Variants in BLOC1S6 observed in about 807,000 individuals in gnomAD.
BLOC1S6 encodes the protein biogenesis of lysosome-related organelles complex 1 subunit 6.
BLOC1S6 carries 24 observed loss-of-function variants against 24.7 expected under a neutral mutation model. The observed-to-expected ratio is 0.97, with a 90% CI of 0.70 to 1.37. The LOEUF (loss-of-function observed/expected upper bound fraction) is 1.37. Ranked by LOEUF, BLOC1S6 falls within the 40% of genes most tolerant of loss-of-function variation. BLOC1S6 has a pLI of 0.00. For missense variants in BLOC1S6, 175 were observed against 196.2 expected, an observed-to-expected ratio of 0.89 and a Z score of 0.64; for synonymous variants, 76 against 72.6, an observed-to-expected ratio of 1.05 and a Z score of -0.23.
chr15:45,591,435 A>G (rs1220302541), intron 1 of BLOC1S6, among the ~76,000 whole-genome samples: 1 of 151,904 alleles, frequency 6.6e-6, no homozygotes, highest in Non-Finnish European at 1.5e-5. Flanking sequence ...TTATTTTTAT[A>G]TCTATTTATT....
chr15:45,606,379 T>A lies in BLOC1S6; in HGVS notation c.400-16T>A, dbSNP rs1432937293. ...CTGATTGCTCTCTTGGTTTTTAAAT[T>A]TTTTTTTTAACACAGAAAAGAGCAC... On this transcript the variant is annotated splice_polypyrimidine_tract_variant and intron_variant, in intron 4 of 4. Transcript: ENST00000220531. The A allele has an allele frequency of 6.2e-7, 1 of 1,612,460 alleles. No homozygotes were observed. The highest frequency in any genetic ancestry group is 1.1e-5 in the South Asian group (1 of 91,034).
chr15:45,593,385 C>CAA (rs1893953525), intron 2 of BLOC1S6, among the ~76,000 whole-genome samples: 1 of 85,956 alleles, frequency 1.2e-5, no homozygotes. Flanking sequence ...ACTCTGTCTC[C>CAA]GAAAAAAAAA....
At chr15:45,604,588 A>G (rs1457964978) in intron 3 of BLOC1S6, among the ~76,000 whole-genome samples, 1 of 152,194 alleles carries the variant, frequency 6.6e-6, no homozygotes, top group Non-Finnish European at 1.5e-5. Flanking sequence ...AGTCAAGAGT[A>G]GTTTTTATTA....
At chr15:45,588,091 TCAC>T (rs1893751222) in intron 1 of BLOC1S6, among the ~76,000 whole-genome samples, 1 of 152,194 alleles carries the variant, frequency 6.6e-6, no homozygotes, top group Non-Finnish European at 1.5e-5. Flanking sequence ...GAGAAAATGG[TCAC>T]TCAGAGCATT....
chr15:45,594,160 A>G (rs534834375), intron 2 of BLOC1S6, among the ~76,000 whole-genome samples: 2 of 152,336 alleles, frequency 1.3e-5, no homozygotes, highest in East Asian at 3.9e-4. Context: ...CTTCACCATT[A>G]TAGAAACAGG....
rs575010989 is a variant in BLOC1S6 at position 45,595,310 on chromosome 15, A to G, written c.224+3034A>G. 2.0e-5 allele frequency among the ~76,000 whole-genome samples: 3 copies of G among 152,270 alleles called. No homozygotes were observed. The East Asian group carries it at 5.8e-4, about 29-fold the overall frequency. On this transcript the variant is annotated intron_variant, in intron 2 of 4. Coordinates refer to ENST00000220531, the MANE Select transcript of BLOC1S6 (RefSeq NM_012388.4). ...CATCATGAGTCACTTTATTAGTGTA[A>G]ACTCAGGTGTGATCCAAGGAGCTCA...
At chr15:45,601,605 T>G (rs1894272087) in intron 2 of BLOC1S6, among the ~76,000 whole-genome samples, 1 of 151,974 alleles carries the variant, frequency 6.6e-6, no homozygotes, top group Non-Finnish European at 1.5e-5. Context: ...TGGTGATTAC[T>G]GCTCTTTCAT....
chr15:45,592,321 A>G lies in BLOC1S6; in HGVS notation c.224+45A>G, dbSNP rs181975320. 107 of 1,602,482 alleles carry G rather than the reference A, an allele frequency of 6.7e-5. No homozygotes were observed. In the East Asian group the frequency reaches 7.8e-4, roughly 12 times the overall value. ...GATATACACTCATTTCCTCTGTGGC[A>G]TAGTCACAATTTGTATAATTGTATA... On this transcript the variant is annotated intron_variant, in intron 2 of 4. Coordinates refer to ENST00000220531, the MANE Select transcript of BLOC1S6 (RefSeq NM_012388.4).
chr15:45,593,386 GAAA>G (rs59495378), intron 2 of BLOC1S6, among the ~76,000 whole-genome samples: 1 of 63,332 alleles, frequency 1.6e-5, no homozygotes. Flanking sequence ...CTCTGTCTCC[GAAA>G]AAAAAAAAAA....
At position 45,607,702 on chromosome 15, in the gene BLOC1S6, G is replaced by A. The variant is rs1312362979; in HGVS notation, c.*1188G>A. 6.6e-6 allele frequency: 1 copy of A among 152,204 alleles called. No individual in the cohort carries two copies. Among genetic ancestry groups the A allele is most frequent in the Non-Finnish European group, 1.5e-5 (1 of 68,118 alleles). 9.4% of individuals were successfully genotyped at this position (152,204 alleles called of 1,614,324 possible). On this transcript the variant is annotated 3_prime_UTR_variant, in exon 5 of 5. Coordinates refer to ENST00000220531, the MANE Select transcript of BLOC1S6 (RefSeq NM_012388.4). The stretch of plus-strand genomic sequence containing the variant: ...GCAGGAGAATTGCTTGAACCCAGGA[G>A]GCAGAGGTTGCAGTAAGCCAAGATC...
chr15:45,607,904 T>G lies in BLOC1S6; in HGVS notation c.*1390T>G, dbSNP rs1161162476. 1 of 152,252 alleles carries G rather than the reference T, an allele frequency of 6.6e-6. No individual in the cohort carries two copies. Among genetic ancestry groups the G allele is most frequent in the African/African-American group, 2.4e-5 (1 of 41,468 alleles). The allele number at this position is 152,252 out of a possible 1,614,324, so 9.4% of individuals were successfully genotyped here. A position where few individuals can be genotyped will look rare whatever the true frequency, so the allele number is the denominator to read the frequency against. On this transcript the variant is annotated 3_prime_UTR_variant, in exon 5 of 5. Coordinates refer to ENST00000220531, the MANE Select transcript of BLOC1S6 (RefSeq NM_012388.4). ...GAGGCAGCGTGATACCTTTAGTGTT[T>G]TCTAGAATTTTTTTCTGGATATTAT...
At chr15:45,595,645 TAAG>T (rs1462263810) in intron 2 of BLOC1S6, among the ~76,000 whole-genome samples, 1 of 152,048 alleles carries the variant, frequency 6.6e-6, no homozygotes, top group Non-Finnish European at 1.5e-5. Flanking sequence ...ATTTAATAAA[TAAG>T]AAAAAATATA....
chr15:45,593,068 A>G (rs1893941776), intron 2 of BLOC1S6, among the ~76,000 whole-genome samples: 1 of 152,156 alleles, frequency 6.6e-6, no homozygotes, highest in African/African-American at 2.4e-5. Context: ...TAATGTTATA[A>G]TCCTTAGTGT....
intron 2 of BLOC1S6, chr15:45,599,572 A>G (rs1389168799): frequency 8.9e-6 from 1 of 112,662 alleles, no homozygotes; most frequent in African/African-American, 4.7e-5. Context: ...CAAAAAACAC[A>G]TGAAAAAATG....
At position 45,607,226 on chromosome 15, in the gene BLOC1S6, A is replaced by G. The variant is rs1277485232; in HGVS notation, c.*712A>G. On this transcript the variant is annotated 3_prime_UTR_variant, in exon 5 of 5. Transcript: ENST00000220531. The stretch of plus-strand genomic sequence containing the variant: ...TGGAAAAGTGCATGTACGGGAAATA[A>G]CAGCACTTTAGGTGTAGTTCAGGTG... 1 of 152,332 alleles carries G rather than the reference A, an allele frequency of 6.6e-6. No homozygotes were observed. Among genetic ancestry groups the G allele is most frequent in the Non-Finnish European group, 1.5e-5 (1 of 68,144 alleles). The allele number at this position is 152,332 out of a possible 1,614,324, so 9.4% of individuals were successfully genotyped here. A position where few individuals can be genotyped will look rare whatever the true frequency, so the allele number is the denominator to read the frequency against.
At position 45,601,192 on chromosome 15, in the gene BLOC1S6, A is replaced by G. The variant is rs1894257387; in HGVS notation, c.225-1908A>G. The G allele has an allele frequency of 2.6e-5, 4 of 154,530 alleles. No homozygotes were observed. In the South Asian group the frequency reaches 8.1e-4, roughly 31 times the overall value. 9.6% of individuals were successfully genotyped at this position (154,530 alleles called of 1,614,324 possible). A position where few individuals can be genotyped will look rare whatever the true frequency, so the allele number is the denominator to read the frequency against. On this transcript the variant is annotated intron_variant, in intron 2 of 4. Transcript: ENST00000220531. ...AAGTGAATGTGGTCTCTCTTTCAAA[A>G]TATCTTATTGTGCTGTACTTACCCT...
At chr15:45,597,463 T>C (rs1318026773) in intron 2 of BLOC1S6, among the ~76,000 whole-genome samples, 2 of 152,176 alleles carry the variant, frequency 1.3e-5, no homozygotes, top group African/African-American at 4.8e-5. Flanking sequence ...GGTGACAAAG[T>C]GAGACCCTAT....
chr15:45,587,994 A>G (rs554216825), intron 1 of BLOC1S6: 1 of 566,658 alleles, frequency 1.8e-6, no homozygotes, highest in Non-Finnish European at 3.1e-6. Flanking sequence ...TTTAAGCTCT[A>G]ATGCCCTAAG....
intron 2 of BLOC1S6, among the ~76,000 whole-genome samples, chr15:45,597,409 C>G (rs1351631692): frequency 6.6e-6 from 1 of 152,128 alleles, no homozygotes; most frequent in Non-Finnish European, 1.5e-5. Flanking sequence ...ACCAGGAGTT[C>G]AAGGCTGCAG....
Sources: gnomAD v4.1 joint callset for allele counts (sites outside exome capture counted in the v4.1 genomes callset) on GRCh38, gnomAD v4.1.1 for gene constraint, MANE v1.5 for transcripts, NCBI Gene and HGNC (gene_info 2026-07-23, HGNC 2026-07-21) for gene names.